ARHGAP31: variants seen among roughly 807,000 people sequenced by gnomAD.
The protein encoded by ARHGAP31 is Rho GTPase activating protein 31.
In ARHGAP31, 34 loss-of-function variants were observed where a neutral mutation model predicts 113.9. That is an observed-to-expected ratio of 0.30 (90% CI 0.23 to 0.40). The LOEUF is 0.40. ARHGAP31 is among the 10% of genes least tolerant of loss of function. ARHGAP31 has a pLI of 1.00. For missense variants in ARHGAP31, 1,548 were observed against 1,767.1 expected (o/e 0.88, Z 2.22); for synonymous variants, 650 against 684.8 (o/e 0.95, Z 0.79).
At chr3:119,308,736 A>G (rs185953908) in intron 1 of ARHGAP31, among the ~76,000 whole-genome samples, 32 of 152,344 alleles carry the variant, frequency 2.1e-4, no homozygotes, top group African/African-American at 6.0e-4. Context: ...AGGGCATTAT[A>G]CTGCTTACCG....
intron 1 of ARHGAP31, among the ~76,000 whole-genome samples, chr3:119,325,487 G>A (rs1344022910): frequency 6.6e-6 from 1 of 152,200 alleles, no homozygotes; most frequent in African/African-American, 2.4e-5. Context: ...TGGGTCGGGA[G>A]TCTGCCCTGG....
At chr3:119,301,631 C>T (rs1450117900) in intron 1 of ARHGAP31, among the ~76,000 whole-genome samples, 10 of 137,818 alleles carry the variant, frequency 7.3e-5, no homozygotes, top group African/African-American at 3.1e-4. Context: ...TTCTCAAACA[C>T]CTGATGGGGA....
At chr3:119,305,655 T>C (rs1357965645) in intron 1 of ARHGAP31, among the ~76,000 whole-genome samples, 1 of 152,262 alleles carries the variant, frequency 6.6e-6, no homozygotes, top group East Asian at 1.9e-4. Flanking sequence ...AAAGTGCACA[T>C]GCTTTTTGGG....
In ARHGAP31 at chr3:119,392,030, G is replaced by A. The variant is rs116082307; in HGVS notation, c.881+1047G>A. On this transcript the variant is annotated intron_variant, in intron 7 of 11. Transcript: ENST00000264245. ...TCTCTGTGCTTTCAACCACATCTCG[G>A]GTGCACCATACCCAAAGGTACGCTA... Among the ~76,000 whole-genome samples, 1,024 of 152,056 alleles carry A rather than the reference G, an allele frequency of 6.7e-3. 16 individuals are homozygous for A. The highest frequency in any genetic ancestry group is 0.023 in the African/African-American group (970 of 41,458).
rs545995918 is a variant in ARHGAP31 at position 119,316,490 on chromosome 3, A to G, written c.100+21486A>G. 1.4e-4 allele frequency among the ~76,000 whole-genome samples: 21 copies of G among 152,300 alleles called. No individual in the cohort carries two copies. The East Asian group carries it at 4.0e-3, about 29-fold the overall frequency. ...CCTGTGTAGGGTACACTCAGCTTTA[A>G]AGATAGGTAATCAGGTTTCCAGCAA... On this transcript the variant is annotated intron_variant, in intron 1 of 11. Coordinates refer to ENST00000264245, the MANE Select transcript of ARHGAP31 (RefSeq NM_020754.4).
intron 8 of ARHGAP31, among the ~76,000 whole-genome samples, chr3:119,397,476 C>G (rs998994973): frequency 2.6e-5 from 4 of 152,184 alleles, no homozygotes; most frequent in African/African-American, 9.7e-5. Context: ...GGGATGCTGA[C>G]CAGGTAGTTT....
chr3:119,409,624 A>T lies in ARHGAP31; in HGVS notation c.1774A>T (p.Ser592Cys). ...CCTGGAGGAGAAGAAAACCCCAGAA[A>T]GCTCCTTGAGCTCTCAACATTTAAA... ...AHLEEKKTPE[S>C]SLSSQHLNEL... Residue 592 changes from serine (S) to cysteine (C), a missense_variant, in exon 11 of 12, where the codon AGC becomes TGC. Transcript: ENST00000264245. The T allele has an allele frequency of 1.9e-6, 3 of 1,613,704 alleles. No individual in the cohort carries two copies. Among genetic ancestry groups the T allele is most frequent in the Non-Finnish European group, 2.5e-6 (3 of 1,179,802 alleles).
At chr3:119,404,773 G>A (rs1190213880) in intron 10 of ARHGAP31, among the ~76,000 whole-genome samples, 1 of 152,208 alleles carries the variant, frequency 6.6e-6, no homozygotes, top group Non-Finnish European at 1.5e-5. Flanking sequence ...TTAAATGATT[G>A]TAAATACTGA....
intron 1 of ARHGAP31, among the ~76,000 whole-genome samples, chr3:119,336,512 A>T (rs2079949486): frequency 6.6e-6 from 1 of 152,172 alleles, no homozygotes; most frequent in African/African-American, 2.4e-5. Flanking sequence ...TGACAATAAA[A>T]CCAAGAGTGG....
At chr3:119,348,227 T>C (rs2080077799) in intron 1 of ARHGAP31, among the ~76,000 whole-genome samples, 1 of 152,262 alleles carries the variant, frequency 6.6e-6, no homozygotes, top group African/African-American at 2.4e-5. Flanking sequence ...ATATATTACA[T>C]GTAATAACAT....
At chr3:119,295,121 G>A (rs1334177369) in intron 1 of ARHGAP31, 117 bp downstream of exon 1, 7 of 902,300 alleles carry the variant, frequency 7.8e-6, no homozygotes, top group Middle Eastern at 2.2e-4. Flanking sequence ...AGGCCTGTGC[G>A]CTCATTGCAC....
intron 2 of ARHGAP31, among the ~76,000 whole-genome samples, chr3:119,367,079 T>C (rs2080257356): frequency 7.2e-6 from 1 of 138,052 alleles, no homozygotes; most frequent in African/African-American, 3.0e-5. Flanking sequence ...GCAACAACAG[T>C]GAAACTCCAT....
chr3:119,373,759 C>T (rs986608790), intron 3 of ARHGAP31, among the ~76,000 whole-genome samples: 12 of 151,908 alleles, frequency 7.9e-5, no homozygotes, highest in African/African-American at 2.7e-4. Flanking sequence ...CCACCGCACC[C>T]AGCTGAGACT....
chr3:119,397,531 T>C (rs1577028602), intron 8 of ARHGAP31, among the ~76,000 whole-genome samples: 1 of 152,328 alleles, frequency 6.6e-6, no homozygotes, highest in East Asian at 1.9e-4. Flanking sequence ...TAGCAGATCT[T>C]CAAAGGATAA....
intron 10 of ARHGAP31, among the ~76,000 whole-genome samples, chr3:119,405,033 C>T (rs1405913636): frequency 1.3e-5 from 2 of 152,184 alleles, no homozygotes; most frequent in Non-Finnish European, 2.9e-5. Context: ...TATAGCTTTA[C>T]AGAAACTTGA....
intron 10 of ARHGAP31, 29 bp downstream of exon 10, chr3:119,402,426 G>T (rs1387058064): frequency 3.7e-6 from 6 of 1,602,916 alleles, no homozygotes; most frequent in Non-Finnish European, 5.1e-6. Context: ...GTATCTTTCC[G>T]TTGCAAGAGA....
At position 119,413,742 on chromosome 3, in the gene ARHGAP31, T is replaced by G. The variant is rs1577036031; in HGVS notation, c.1927-114T>G. ...GGTATTATCGGTGCTGCATCCTGTATTTGCTGAACTGGCACAGGCTGGTGC... is the reference window on the plus strand; with the variant it reads ...GGTATTATCGGTGCTGCATCCTGTAGTTGCTGAACTGGCACAGGCTGGTGC... On this transcript the variant is annotated intron_variant, in intron 11 of 11. Transcript: ENST00000264245. 3.0e-5 allele frequency: 43 copies of G among 1,442,086 alleles called. No individual in the cohort carries two copies. In the East Asian group the frequency reaches 9.8e-4, roughly 33 times the overall value. 89.3% of individuals were successfully genotyped at this position (1,442,086 alleles called of 1,614,324 possible).
At chr3:119,384,366 C>T (rs1426957742) in intron 6 of ARHGAP31, among the ~76,000 whole-genome samples, 1 of 152,158 alleles carries the variant, frequency 6.6e-6, no homozygotes, top group East Asian at 1.9e-4. Context: ...TGTCTAATGC[C>T]ATACTATTTT....
chr3:119,407,762 A>G (rs531908091), intron 10 of ARHGAP31, among the ~76,000 whole-genome samples: 1 of 152,158 alleles, frequency 6.6e-6, no homozygotes, highest in Non-Finnish European at 1.5e-5. Context: ...GGAGGACCAG[A>G]GCAGAAGAGT....
Sources: allele counts gnomAD v4.1 joint callset (sites outside exome capture counted in the v4.1 genomes callset), GRCh38; gene constraint gnomAD v4.1.1; transcripts MANE v1.5; gene names NCBI Gene and HGNC (gene_info 2026-07-23, HGNC 2026-07-21).